Variants in IL36RN observed in about 807,000 individuals in gnomAD.
IL36RN encodes interleukin 36 receptor antagonist, also known as interleukin-36 receptor antagonist protein.
In IL36RN, 11 loss-of-function variants were observed where a neutral mutation model predicts 13.0. The observed-to-expected ratio is 0.85, with a 90% CI of 0.53 to 1.40. The LOEUF (loss-of-function observed/expected upper bound fraction) is 1.40, where lower values mean the gene tolerates loss of function less well. Ranked by LOEUF, IL36RN falls within the 40% of genes most tolerant of loss-of-function variation. The probability of loss-of-function intolerance (pLI) is 0.00; values close to 1 mark genes in which losing one functional copy is unlikely to be tolerated. For missense variants in IL36RN, 195 were observed against 195.3 expected, an observed-to-expected ratio of 1.00 and a Z score of 0.01; for synonymous variants, 94 against 84.1, an observed-to-expected ratio of 1.12 and a Z score of -0.64.
rs1160721677 is a variant in IL36RN at position 113,059,414 on chromosome 2, G to T, written c.-25G>T. 1.2e-6 allele frequency: 2 copies of T among 1,613,346 alleles called. No individual in the cohort carries two copies. Among genetic ancestry groups the T allele is most frequent in the South Asian group, 1.1e-5 (1 of 91,022 alleles). Reference sequence around the variant, plus strand: ...TTCTGTTGTTTATTCCAAAATAGGGGAGTCTACACCCTGTGGAGCTCAAGA... The same window carrying T: ...TTCTGTTGTTTATTCCAAAATAGGGTAGTCTACACCCTGTGGAGCTCAAGA... On this transcript the variant is annotated splice_region_variant and 5_prime_UTR_variant, in exon 2 of 5. Coordinates refer to ENST00000393200, the MANE Select transcript of IL36RN (RefSeq NM_012275.3).
chr2:113,062,953 A>G lies in IL36RN; in HGVS notation c.*276A>G, dbSNP rs1800930. On this transcript the variant is annotated 3_prime_UTR_variant, in exon 5 of 5. Coordinates refer to ENST00000393200, the MANE Select transcript of IL36RN (RefSeq NM_012275.3). ...GAATAACATGAAAAGATTTCTGTGG[A>G]GGTGGGGTGGGGGAGTGGTGGGAAT... The G allele has an allele frequency of 0.64, 296,400 of 460,014 alleles. 97,091 individuals are homozygous for G. The highest frequency in any genetic ancestry group is 0.8 in the South Asian group (39,101 of 49,148). 28.5% of individuals were successfully genotyped at this position (460,014 alleles called of 1,614,324 possible).
chr2:113,060,935 A>G lies in IL36RN; in HGVS notation c.113A>G (p.Lys38Arg). Residue 38 changes from lysine to arginine, a missense_variant and splice_region_variant, in exon 3 of 5, where the codon AAA becomes AGA. Physicochemically the swap from Lys to Arg is conservative, Grantham distance 26. Coordinates refer to ENST00000393200, the MANE Select transcript of IL36RN (RefSeq NM_012275.3). ...AGGLHAGKVI[K>R]GEEISVVPNR... is the part of the protein sequence containing the mutation. ...GGGCTGCATGCAGGGAAGGTCATTA[A>G]AGGTTGGTGATGAAACATGACCCAC... 6.2e-7 allele frequency: 1 copy of G among 1,613,192 alleles called. No individual in the cohort carries two copies. The highest frequency in any genetic ancestry group is 1.7e-4 in the Middle Eastern group (1 of 6,056).
At position 113,063,618 on chromosome 2, in the gene IL36RN, C is replaced by T. The variant is rs1341286833; in HGVS notation, c.*941C>T. ...GAAAAGAAATTAATCTTGAGGTAAGCAGAGTAGACATCATCTCTGATTGTC... is the reference window on the plus strand; with the variant it reads ...GAAAAGAAATTAATCTTGAGGTAAGTAGAGTAGACATCATCTCTGATTGTC... On this transcript the variant is annotated 3_prime_UTR_variant, in exon 5 of 5. Transcript: ENST00000393200. 2.0e-5 allele frequency: 3 copies of T among 152,124 alleles called. No homozygotes were observed. Among genetic ancestry groups the T allele is most frequent in the Non-Finnish European group, 2.9e-5 (2 of 68,026 alleles). The allele number at this position is 152,124 out of a possible 1,614,324, so 9.4% of individuals were successfully genotyped here. A position where few individuals can be genotyped will look rare whatever the true frequency, so the allele number is the denominator to read the frequency against.
In IL36RN at chr2:113,063,072, A is replaced by T; in HGVS notation, c.*395A>T. ...CCTTATAGGGTCAGTAGCTCTCCAC[A>T]TGAAGACCTGTCACTCACCACTATG... On this transcript the variant is annotated 3_prime_UTR_variant, in exon 5 of 5. Transcript: ENST00000393200. 2.9e-6 allele frequency: 1 copy of T among 348,804 alleles called. No homozygotes were observed. Among genetic ancestry groups the T allele is most frequent in the Non-Finnish European group, 5.6e-6 (1 of 178,356 alleles). 21.6% of individuals were successfully genotyped at this position (348,804 alleles called of 1,614,324 possible).
intron 3 of IL36RN, among the ~76,000 whole-genome samples, chr2:113,061,717 T>C (rs1485412063): frequency 6.6e-6 from 1 of 152,108 alleles, no homozygotes; most frequent in Non-Finnish European, 1.5e-5. Flanking sequence ...GGTGAGGGGA[T>C]GTACAGAGAG....
intron 2 of IL36RN, among the ~76,000 whole-genome samples, chr2:113,059,716 C>G (rs751364036): frequency 1.2e-4 from 18 of 152,174 alleles, no homozygotes; most frequent in African/African-American, 3.6e-4. Context: ...GTCTAGAGCT[C>G]CAGCCAAGTC....
chr2:113,059,267 C>T (rs1320831622), intron 1 of IL36RN, 26 bp downstream of exon 1: 18 of 711,310 alleles, frequency 2.5e-5, no homozygotes, highest in African/African-American at 1.9e-4. Flanking sequence ...CTGGTGGTAC[C>T]GGAGCTCTCT....
At chr2:113,059,974 A>G (rs147118291) in intron 2 of IL36RN, among the ~76,000 whole-genome samples, 120 of 152,332 alleles carry the variant, frequency 7.9e-4, no homozygotes, top group African/African-American at 2.6e-3. Context: ...TCTCAGTCTA[A>G]TAAAGCACTT....
In IL36RN at chr2:113,063,401, A is replaced by G. The variant is rs1430061915; in HGVS notation, c.*724A>G. On this transcript the variant is annotated 3_prime_UTR_variant, in exon 5 of 5. Transcript: ENST00000393200. ...AGAAGACCTACTTACAAAGTGGCAT[A>G]TATTGCAATTTATTTTAATTAAAAG... The G allele has an allele frequency of 1.3e-5, 2 of 152,458 alleles. No homozygotes were observed. The highest frequency in any genetic ancestry group is 2.9e-5 in the Non-Finnish European group (2 of 68,230). The allele number at this position is 152,458 out of a possible 1,614,324, so 9.4% of individuals were successfully genotyped here.
rs770722493 is a variant in IL36RN, at chr2:113,060,922, G to A, written c.100G>A (p.Gly34Arg). ...NQLLAGGLHA[G>R]KVIKGEEISV... ...GCTTCTAGCTGGAGGGCTGCATGCA[G>A]GGAAGGTCATTAAAGGTTGGTGATG... The change falls in exon 3 of 5, where the codon GGG (glycine) becomes AGG (arginine). Residue 34 changes from glycine (G) to arginine (R), a missense_variant. Gly to Arg is a moderately radical substitution (Grantham distance 125). Transcript: ENST00000393200. 10 of 1,613,978 alleles carry A rather than the reference G, an allele frequency of 6.2e-6. No homozygotes were observed. The South Asian group carries it at 7.7e-5, about 12-fold the overall frequency.
intron 2 of IL36RN, among the ~76,000 whole-genome samples, chr2:113,059,725 T>C (rs1685602692): frequency 6.6e-6 from 1 of 152,172 alleles, no homozygotes; most frequent in Admixed American, 6.5e-5. Context: ...TCCAGCCAAG[T>C]CTATCCAAGG....
intron 2 of IL36RN, among the ~76,000 whole-genome samples, chr2:113,060,587 T>C (rs868429950): frequency 1.3e-5 from 2 of 152,164 alleles, no homozygotes; most frequent in Non-Finnish European, 2.9e-5. Context: ...GTGCAGCTTC[T>C]CTTCCAGCAG....
In IL36RN at chr2:113,063,726, G is replaced by T. The variant is rs1400820712; in HGVS notation, c.*1049G>T. 1.3e-5 allele frequency: 2 copies of T among 152,204 alleles called. No individual in the cohort carries two copies. The allele number at this position is 152,204 out of a possible 1,614,324, so 9.4% of individuals were successfully genotyped here. A position where few individuals can be genotyped will look rare whatever the true frequency, so the allele number is the denominator to read the frequency against. ...TGGTTGTAGTAGTGATCAGGAAACA[G>T]ATCTCAGCAAAGCCACTGAGGAGGA... On this transcript the variant is annotated 3_prime_UTR_variant, in exon 5 of 5. Transcript: ENST00000393200.
At position 113,063,921 on chromosome 2, in the gene IL36RN, A is replaced by G. The variant is rs1685693942; in HGVS notation, c.*1244A>G. 1 of 152,244 alleles carries G rather than the reference A, an allele frequency of 6.6e-6. No individual in the cohort carries two copies. Among genetic ancestry groups the G allele is most frequent in the Non-Finnish European group, 1.5e-5 (1 of 68,058 alleles). 9.4% of individuals were successfully genotyped at this position (152,244 alleles called of 1,614,324 possible). On this transcript the variant is annotated 3_prime_UTR_variant, in exon 5 of 5. Coordinates refer to ENST00000393200, the MANE Select transcript of IL36RN (RefSeq NM_012275.3). ...TGAATTGTGTCCCCCTCAAATTCAC[A>G]TCCTTCTTGGAATCTCAGTCTGTGA...
At chr2:113,061,768 T>C (rs1365141614) in intron 3 of IL36RN, among the ~76,000 whole-genome samples, 2 of 152,134 alleles carry the variant, frequency 1.3e-5, no homozygotes, top group South Asian at 4.1e-4. Flanking sequence ...TCACAGGGTG[T>C]AGAAAGTTGT....
At chr2:113,060,493 C>A (rs989183453) in intron 2 of IL36RN, among the ~76,000 whole-genome samples, 2 of 152,128 alleles carry the variant, frequency 1.3e-5, no homozygotes, top group Non-Finnish European at 2.9e-5. Flanking sequence ...AGGCTCAGGC[C>A]CAGAGTGGGC....
intron 2 of IL36RN, among the ~76,000 whole-genome samples, chr2:113,060,496 G>A (rs910470986): frequency 6.6e-6 from 1 of 152,236 alleles, no homozygotes; most frequent in African/African-American, 2.4e-5. Context: ...CTCAGGCCCA[G>A]AGTGGGCGAG....
Position 113,062,604 on chromosome 2 carries a change from G to C in IL36RN, c.395G>C (p.Arg132Thr), listed in dbSNP as rs941170776. ...GTGCCTGAAGCCGATCAGCCTGTCA[G>C]ACTCACCCAGCTTCCCGAGAATGGT... ...CTVPEADQPV[R>T]LTQLPENGGW... Residue 132 changes from arginine to threonine, a missense_variant, in exon 5 of 5, where the codon AGA becomes ACA. Coordinates refer to ENST00000393200, the MANE Select transcript of IL36RN (RefSeq NM_012275.3). 1 of 1,613,512 alleles carries C rather than the reference G, an allele frequency of 6.2e-7. No homozygotes were observed. The highest frequency in any genetic ancestry group is 1.3e-5 in the African/African-American group (1 of 74,888).
rs1184839873 is a variant in IL36RN at position 113,059,433 on chromosome 2, C to T, written c.-6C>T. ...ATAGGGGAGTCTACACCCTGTGGAG[C>T]TCAAGATGGTCCTGAGTGGGGCGCT... On this transcript the variant is annotated 5_prime_UTR_variant, in exon 2 of 5. Transcript: ENST00000393200. The T allele has an allele frequency of 3.1e-6, 5 of 1,613,862 alleles. No individual in the cohort carries two copies. Among genetic ancestry groups the T allele is most frequent in the Admixed American group, 1.7e-5 (1 of 60,006 alleles).
Sources: allele counts gnomAD v4.1 joint callset (sites outside exome capture counted in the v4.1 genomes callset), GRCh38; gene constraint gnomAD v4.1.1; transcripts MANE v1.5; gene names NCBI Gene and HGNC (gene_info 2026-07-23, HGNC 2026-07-21).